The following ABTB3 variants were observed in gnomAD, a reference collection of about 807,000 sequenced individuals.
The protein encoded by ABTB3 is ankyrin repeat- and BTB/POZ domain-containing protein 3.
At chr12:107,421,915 G>A in the ABTB3 span, among the ~76,000 whole-genome samples, 5 of 152,260 alleles carry the variant, frequency 3.3e-5, 1 homozygote, top group Admixed American at 1.3e-4. Context: ...TGGTGTGCCC[G>A]GCACTCTTCT....
chr12:107,334,854 A>G, the ABTB3 span, among the ~76,000 whole-genome samples: 1 of 152,116 alleles, frequency 6.6e-6, no homozygotes, highest in Non-Finnish European at 1.5e-5. Flanking sequence ...CTAGAAGTTA[A>G]CAGAAGATAG....
chr12:107,594,308 C>A, the ABTB3 span, among the ~76,000 whole-genome samples: 3 of 152,152 alleles, frequency 2.0e-5, no homozygotes, highest in Admixed American at 1.3e-4. Context: ...TTCAGACAGA[C>A]CCAGAATTTC....
At chr12:107,580,937 G>A in the ABTB3 span, 184 of 1,551,476 alleles carry the variant, frequency 1.2e-4, no homozygotes, top group Non-Finnish European at 1.6e-4. Context: ...GGATTCCAGA[G>A]AGCCTGCCCC....
At chr12:107,357,166 G>A in the ABTB3 span, among the ~76,000 whole-genome samples, 1 of 152,176 alleles carries the variant, frequency 6.6e-6, no homozygotes, top group African/African-American at 2.4e-5. Flanking sequence ...CATTCAGCAG[G>A]CAAATGCCAC....
chr12:107,350,639 G>C, the ABTB3 span, among the ~76,000 whole-genome samples: 3 of 152,062 alleles, frequency 2.0e-5, no homozygotes, highest in Non-Finnish European at 2.9e-5. Flanking sequence ...GCACACAATT[G>C]GTGTCTCTGG....
chr12:107,580,388 G>A, the ABTB3 span, among the ~76,000 whole-genome samples: 1 of 152,264 alleles, frequency 6.6e-6, no homozygotes, highest in Non-Finnish European at 1.5e-5. Flanking sequence ...TTGCCCTTCA[G>A]TTGTAGGCAT....
At chr12:107,379,112 A>G in the ABTB3 span, among the ~76,000 whole-genome samples, 2 of 152,204 alleles carry the variant, frequency 1.3e-5, no homozygotes, top group African/African-American at 2.4e-5. Context: ...TTGCCCTTCT[A>G]TATAATTGGG....
chr12:107,656,714 C>T, the ABTB3 span, among the ~76,000 whole-genome samples: 8 of 152,288 alleles, frequency 5.3e-5, no homozygotes, highest in South Asian at 8.3e-4. Context: ...TAACTTGTGC[C>T]GAATGACACT....
chr12:107,382,548 G>C, the ABTB3 span, among the ~76,000 whole-genome samples: 1 of 152,170 alleles, frequency 6.6e-6, no homozygotes, highest in Non-Finnish European at 1.5e-5. Context: ...TCAGCTTAAG[G>C]AGATTTTGGG....
At chr12:107,568,724 AT>A in the ABTB3 span, among the ~76,000 whole-genome samples, 1 of 152,148 alleles carries the variant, frequency 6.6e-6, no homozygotes, top group East Asian at 1.9e-4. Context: ...GCTTCTTTAT[AT>A]TAATATTTTT....
chr12:107,450,340 A>G, the ABTB3 span, among the ~76,000 whole-genome samples: 6 of 152,232 alleles, frequency 3.9e-5, no homozygotes, highest in African/African-American at 1.4e-4. Flanking sequence ...GGCAAACTAA[A>G]TGGAGAAGAG....
chr12:107,497,609 C>A, the ABTB3 span, among the ~76,000 whole-genome samples: 113 of 152,250 alleles, frequency 7.4e-4, 1 homozygote, highest in Admixed American at 7.3e-3. Context: ...ATCTATATCA[C>A]CTGCACAGAA....
At chr12:107,382,558 G>A in the ABTB3 span, among the ~76,000 whole-genome samples, 2 of 152,116 alleles carry the variant, frequency 1.3e-5, no homozygotes, top group East Asian at 1.9e-4. Context: ...GAGATTTTGG[G>A]CTGAGACTAT....
At chr12:107,643,402 CAAAAAAAAAAAA>C in the ABTB3 span, among the ~76,000 whole-genome samples, 1 of 79,538 alleles carries the variant, frequency 1.3e-5, no homozygotes, top group African/African-American at 4.1e-5. Flanking sequence ...GACCCTATCT[CAAAAAAAAAAAA>C]AAAAAAAAAA....
chr12:107,333,293 A>G, the ABTB3 span, among the ~76,000 whole-genome samples: 30 of 152,192 alleles, frequency 2.0e-4, no homozygotes, highest in African/African-American at 6.3e-4. Flanking sequence ...GTGAGTTCAT[A>G]TGCTCCTCTG....
chr12:107,423,511 C>T, the ABTB3 span, among the ~76,000 whole-genome samples: 1 of 152,096 alleles, frequency 6.6e-6, no homozygotes, highest in African/African-American at 2.4e-5. Flanking sequence ...CTGTATCCAG[C>T]TATTGTGTAA....
the ABTB3 span, among the ~76,000 whole-genome samples, chr12:107,614,456 T>G: frequency 6.6e-6 from 1 of 152,110 alleles, no homozygotes; most frequent in Non-Finnish European, 1.5e-5. Flanking sequence ...CTTCCCTGGC[T>G]TGAAAGCTGA....
chr12:107,568,290 T>C, the ABTB3 span, among the ~76,000 whole-genome samples: 1 of 152,192 alleles, frequency 6.6e-6, no homozygotes, highest in Non-Finnish European at 1.5e-5. Context: ...GGGCCTAGAA[T>C]ATTATAGGCA....
chr12:107,552,549 G>A, the ABTB3 span, among the ~76,000 whole-genome samples: 9 of 152,150 alleles, frequency 5.9e-5, no homozygotes, highest in Non-Finnish European at 1.2e-4. Context: ...TTGTGCCATT[G>A]GATAGCCTTC....
Sources: gnomAD v4.1 joint callset for allele counts (sites outside exome capture counted in the v4.1 genomes callset) on GRCh38, gnomAD v4.1.1 for gene constraint, MANE v1.5 for transcripts, NCBI Gene and HGNC (gene_info 2026-07-23, HGNC 2026-07-21) for gene names.